Variants in CERKL observed in about 807,000 individuals in gnomAD.
CERKL encodes the protein ceramide kinase-like protein.
A neutral mutation model predicts 63.4 loss-of-function variants in CERKL; 61 were observed. The observed-to-expected ratio is 0.96, with a 90% CI of 0.78 to 1.19. The LOEUF (loss-of-function observed/expected upper bound fraction) is 1.19. Among genes scored for constraint, CERKL ranks in the 50% most tolerant of loss-of-function variants. The pLI is 0.00. For synonymous variants in CERKL, 250 were observed against 230.5 expected (o/e 1.08, Z -0.77); for missense variants, 675 against 655.5 (o/e 1.03, Z -0.33).
Position 181,563,709 on chromosome 2 carries a change from C to A in CERKL, c.677+2349G>T, listed in dbSNP as rs560201619. 7.2e-5 allele frequency among the ~76,000 whole-genome samples: 11 copies of A among 152,226 alleles called. No homozygotes were observed. In the East Asian group the frequency reaches 2.1e-3, roughly 29 times the overall value. On this transcript the variant is annotated intron_variant, in intron 4 of 12. Transcript: ENST00000410087. ...AGAAAACTCACCAATGTAGAATATT[C>A]CATTTTCAAACAATTTTACTTGCAA...
Position 181,656,980 on chromosome 2 carries a change from C to T in CERKL, c.27G>A (p.Arg9=), listed in dbSNP as rs368855330. The stretch of plus-strand genomic sequence containing the variant: ...CCCGGCCGCCCTCCAGGGCACTCAC[C>T]CGGTTCCTGCGCCTCCTCCAGGGCA... MPWRRRRN[R]VSALEGGREE... The change falls in exon 1 of 13, where the codon CGG becomes CGA. Residue 9 remains arginine (R), a synonymous_variant. Coordinates refer to ENST00000410087, the MANE Select transcript of CERKL (RefSeq NM_201548.5). 1.8e-3 allele frequency: 2,782 copies of T among 1,581,706 alleles called. 3 individuals carry two copies. The highest frequency in any genetic ancestry group is 2.1e-3 in the Non-Finnish European group (2,418 of 1,167,990).
chr2:181,632,181 T>C (rs1354556083), intron 1 of CERKL, among the ~76,000 whole-genome samples: 1 of 152,216 alleles, frequency 6.6e-6, no homozygotes, highest in Non-Finnish European at 1.5e-5. Flanking sequence ...CTTTGAGAAG[T>C]ATTATTAAAT....
chr2:181,548,002 A>G (rs926487034), intron 8 of CERKL, 155 bp from the exon 9 acceptor site: 4 of 673,372 alleles, frequency 5.9e-6, no homozygotes, highest in Non-Finnish European at 1.0e-5. Flanking sequence ...AAAACGTACA[A>G]TTTTGTTGCT....
chr2:181,637,788 A>T (rs1243056459), intron 1 of CERKL, among the ~76,000 whole-genome samples: 6 of 152,198 alleles, frequency 3.9e-5, no homozygotes, highest in Non-Finnish European at 4.4e-5. Flanking sequence ...ATCAAAAGCA[A>T]AATGAAACAA....
At chr2:181,603,663 A>G in intron 2 of CERKL, 174 bp downstream of exon 2, 2 of 732,018 alleles carry the variant, frequency 2.7e-6, no homozygotes, top group Non-Finnish European at 5.0e-6. Context: ...TGATTATCTC[A>G]ATTAATGTAG....
chr2:181,569,753 T>C (rs1688821461), intron 3 of CERKL, among the ~76,000 whole-genome samples: 1 of 152,130 alleles, frequency 6.6e-6, no homozygotes, highest in South Asian at 2.1e-4. Flanking sequence ...GAACAAGAGA[T>C]GAGGGGCAGA....
rs1171025615 is a variant in CERKL, at chr2:181,550,031, C to A, written c.821-323G>T. ...CTAGCTATATCAAAGCCCACTCCAT[C>A]CCAACCTTAATGAATGGGTTTTTAG... is the stretch of plus-strand genomic sequence containing the variant. On this transcript the variant is annotated intron_variant, in intron 5 of 12. Transcript: ENST00000410087. The surrounding 1 kb of genome is among the most constrained non-coding windows in gnomAD (Gnocchi z 4.5). 6.6e-6 allele frequency among the ~76,000 whole-genome samples: 1 copy of A among 152,142 alleles called. No homozygotes were observed. Among genetic ancestry groups the A allele is most frequent in the Non-Finnish European group, 1.5e-5 (1 of 68,022 alleles).
At chr2:181,620,568 T>C (rs888800273) in intron 1 of CERKL, among the ~76,000 whole-genome samples, 6 of 152,196 alleles carry the variant, frequency 3.9e-5, no homozygotes, top group Non-Finnish European at 8.8e-5. Flanking sequence ...GGCAGATCTG[T>C]GTTGCTGGAA....
intron 1 of CERKL, among the ~76,000 whole-genome samples, chr2:181,650,824 G>A (rs1430593408): frequency 6.6e-6 from 1 of 151,812 alleles, no homozygotes; most frequent in Non-Finnish European, 1.5e-5. Flanking sequence ...TAGAAGTAAG[G>A]AAGTAATTCA....
intron 1 of CERKL, among the ~76,000 whole-genome samples, chr2:181,623,185 T>C (rs1574508864): frequency 6.6e-6 from 1 of 152,244 alleles, no homozygotes; most frequent in South Asian, 2.1e-4. Context: ...TAATATCTTT[T>C]AGATTGAAAT....
At chr2:181,596,247 G>C (rs1332802616) in intron 2 of CERKL, among the ~76,000 whole-genome samples, 1 of 152,170 alleles carries the variant, frequency 6.6e-6, no homozygotes, top group East Asian at 1.9e-4. Context: ...CTCTGTCAAT[G>C]ACTAAAGCAG....
chr2:181,537,817 C>G lies in CERKL; in HGVS notation c.*367G>C, dbSNP rs1487258013. 1 of 475,242 alleles carries G rather than the reference C, an allele frequency of 2.1e-6. No homozygotes were observed. Among genetic ancestry groups the G allele is most frequent in the South Asian group, 1.5e-5 (1 of 64,558 alleles). The allele number at this position is 475,242 out of a possible 1,614,324, so 29.4% of individuals were successfully genotyped here. A position where few individuals can be genotyped will look rare whatever the true frequency, so the allele number is the denominator to read the frequency against. On this transcript the variant is annotated 3_prime_UTR_variant, in exon 13 of 13. Transcript: ENST00000410087. ...ATCTTGACTTTTAAAGCCCTAGAGG[C>G]TAATTGTTAGTAACATCAATTTCTA...
chr2:181,565,016 C>T (rs1450384447), intron 4 of CERKL, among the ~76,000 whole-genome samples: 1 of 152,072 alleles, frequency 6.6e-6, no homozygotes, highest in Non-Finnish European at 1.5e-5. Flanking sequence ...TTGGAAAAAT[C>T]ATGTTTTACT....
chr2:181,537,691 G>A lies in CERKL; in HGVS notation c.*493C>T, dbSNP rs200689467. The A allele has an allele frequency of 1.6e-5, 7 of 425,474 alleles. No individual in the cohort carries two copies. The highest frequency in any genetic ancestry group is 2.3e-5 in the Non-Finnish European group (5 of 214,590). The allele number at this position is 425,474 out of a possible 1,614,324, so 26.4% of individuals were successfully genotyped here. On this transcript the variant is annotated 3_prime_UTR_variant, in exon 13 of 13. Transcript: ENST00000410087. ...AGAATTATCTAGGTTAAATATTGATGTATTATGATGGTTGCAAAGTTTTTT... is the reference window on the plus strand; with the variant it reads ...AGAATTATCTAGGTTAAATATTGATATATTATGATGGTTGCAAAGTTTTTT...
intron 4 of CERKL, among the ~76,000 whole-genome samples, chr2:181,563,909 A>G (rs763355531): frequency 6.6e-6 from 1 of 152,122 alleles, no homozygotes; most frequent in African/African-American, 2.4e-5. Flanking sequence ...TAAATAAGCT[A>G]TTTAAAGTGG....
intron 11 of CERKL, among the ~76,000 whole-genome samples, chr2:181,542,071 TGC>T (rs1687532687): frequency 6.6e-6 from 1 of 152,114 alleles, no homozygotes; most frequent in Non-Finnish European, 1.5e-5. Flanking sequence ...ATGAGAGGGC[TGC>T]AAAGAAATCC....
chr2:181,626,307 T>G (rs1035999584), intron 1 of CERKL, among the ~76,000 whole-genome samples: 2 of 151,342 alleles, frequency 1.3e-5, no homozygotes, highest in Admixed American at 1.3e-4. Flanking sequence ...GCAGTAGAAG[T>G]GAATAATGAT....
At chr2:181,548,125 T>C in intron 8 of CERKL, 1 of 572,906 alleles carries the variant, frequency 1.7e-6, no homozygotes, top group Non-Finnish European at 3.1e-6. Flanking sequence ...ATATTTGTAT[T>C]ACACACTAGA....
At chr2:181,540,209 G>A (rs1458268568) in intron 11 of CERKL, among the ~76,000 whole-genome samples, 1 of 152,138 alleles carries the variant, frequency 6.6e-6, no homozygotes, top group Non-Finnish European at 1.5e-5. Context: ...TGTGACTGAG[G>A]TACAGAATTA....
Sources: gnomAD v4.1 joint callset for allele counts (sites outside exome capture counted in the v4.1 genomes callset) on GRCh38, gnomAD v4.1.1 for gene constraint, Gnocchi (gnomAD v3.1) non-coding constraint, MANE v1.5 for transcripts, NCBI Gene and HGNC (gene_info 2026-07-23, HGNC 2026-07-21) for gene names.